Variants in FBXO11 observed in about 807,000 individuals in gnomAD.
The protein encoded by FBXO11 is F-box only protein 11.
A neutral mutation model predicts 117.0 loss-of-function variants in FBXO11; 13 were observed. The ratio of observed to expected loss-of-function variants is 0.11; its 90% CI spans 0.07 to 0.18. The LOEUF (loss-of-function observed/expected upper bound fraction) is 0.18. Among genes scored for constraint, FBXO11 ranks in the 10% least tolerant of loss-of-function variants. The pLI, the probability that FBXO11 is intolerant of heterozygous loss-of-function variation, is 1.00. For synonymous variants in FBXO11, 490 were observed against 380.5 expected (o/e 1.29, Z -3.35); for missense variants, 767 against 1,164.4 (o/e 0.66, Z 4.97).
chr2:47,833,869 T>C (rs900501271), intron 7 of FBXO11, among the ~76,000 whole-genome samples: 2 of 151,108 alleles, frequency 1.3e-5, no homozygotes, highest in African/African-American at 2.4e-5. Context: ...GGTTTCACCA[T>C]GTTGGCCAGG....
intron 1 of FBXO11, among the ~76,000 whole-genome samples, chr2:47,903,590 A>G (rs1678488126): frequency 6.6e-6 from 1 of 152,266 alleles, no homozygotes; most frequent in African/African-American, 2.4e-5. Context: ...GTTCGAAATT[A>G]CACACAAACC....
chr2:47,903,025 C>T (rs1348409160), intron 1 of FBXO11, among the ~76,000 whole-genome samples: 1 of 152,018 alleles, frequency 6.6e-6, no homozygotes, highest in African/African-American at 2.4e-5. Flanking sequence ...AACAAAATCC[C>T]TTTCTTTCCA....
At chr2:47,896,519 G>A (rs577947847) in intron 1 of FBXO11, among the ~76,000 whole-genome samples, 3 of 151,850 alleles carry the variant, frequency 2.0e-5, no homozygotes, top group East Asian at 1.9e-4. Context: ...CTGTAGAGAC[G>A]GGGTTTCGCC....
chr2:47,831,642 A>G (rs558130806), intron 11 of FBXO11, among the ~76,000 whole-genome samples: 87 of 152,146 alleles, frequency 5.7e-4, no homozygotes, highest in South Asian at 1.0e-3. Flanking sequence ...TACCTCAAGG[A>G]AAATTTGACA....
Position 47,839,440 on chromosome 2 carries a change from C to T in FBXO11, c.421G>A (p.Gly141Arg). The part of the protein sequence containing the change: ...GHRAKRARVS[G>R]KSQDLSAAPA... ...ATACCTGATAGATCTTGTGATTTTC[C>T]AGACACTCTTGCACGTTTTGCACGA... is the stretch of plus-strand genomic sequence containing the variant. Residue 141 changes from glycine (G) to arginine (R), a missense_variant, in exon 3 of 23, where the codon GGA becomes AGA. Around this residue, in one of 10 missense-constraint regions of FBXO11, gnomAD observed 355 missense variants for 299.8 expected, o/e 1.18. Transcript: ENST00000403359. The T allele has an allele frequency of 6.2e-7, 1 of 1,613,182 alleles. No individual in the cohort carries two copies. Among genetic ancestry groups the T allele is most frequent in the South Asian group, 1.1e-5 (1 of 90,602 alleles).
At chr2:47,835,663 A>T (rs1672503478) in intron 5 of FBXO11, among the ~76,000 whole-genome samples, 1 of 152,056 alleles carries the variant, frequency 6.6e-6, no homozygotes, top group Non-Finnish European at 1.5e-5. Flanking sequence ...ATGTCCGGCT[A>T]ATTTTTGTAT....
intron 1 of FBXO11, 137 bp downstream of exon 1, chr2:47,905,352 A>T: frequency 2.2e-6 from 2 of 896,996 alleles, no homozygotes; most frequent in Non-Finnish European, 2.8e-6. Context: ...GCACCGGGGG[A>T]CCCGCCTCCG....
chr2:47,817,380 AT>A (rs934379100), intron 16 of FBXO11, among the ~76,000 whole-genome samples: 3 of 152,138 alleles, frequency 2.0e-5, no homozygotes, highest in African/African-American at 7.2e-5. Context: ...GCATAAGTCC[AT>A]TTTTTTGTTA....
At chr2:47,841,062 G>C (rs1672975550) in intron 1 of FBXO11, among the ~76,000 whole-genome samples, 12 of 151,918 alleles carry the variant, frequency 7.9e-5, no homozygotes, top group Admixed American at 7.9e-4. Context: ...GCCTGGTGTG[G>C]TAGCGGGCGC....
At chr2:47,836,845 G>A (rs937415933) in intron 4 of FBXO11, 9 of 276,514 alleles carry the variant, frequency 3.3e-5, no homozygotes, top group South Asian at 1.7e-4. Context: ...GTGCAGAGGC[G>A]TGATCATGGC....
chr2:47,888,197 G>C (rs1037207121), intron 1 of FBXO11, among the ~76,000 whole-genome samples: 7 of 152,034 alleles, frequency 4.6e-5, no homozygotes, highest in African/African-American at 1.7e-4. Flanking sequence ...CAGATCAGTA[G>C]GTCCAACAAC....
At chr2:47,872,444 C>A (rs947586482) in intron 1 of FBXO11, among the ~76,000 whole-genome samples, 2 of 152,200 alleles carry the variant, frequency 1.3e-5, no homozygotes, top group Admixed American at 6.5e-5. Context: ...CTGCCTCAGC[C>A]TCCCCAGCAG....
At chr2:47,832,735 A>G in intron 9 of FBXO11, 34 bp downstream of exon 9, 1 of 1,608,228 alleles carries the variant, frequency 6.2e-7, no homozygotes, top group South Asian at 1.1e-5. Context: ...CAGTGACTCA[A>G]AATTTTATTG....
chr2:47,820,166 A>AAC (rs1174972700), intron 14 of FBXO11, among the ~76,000 whole-genome samples, 196 bp downstream of exon 14: 2 of 152,208 alleles, frequency 1.3e-5, no homozygotes, highest in African/African-American at 2.4e-5. Context: ...TACATAATTA[A>AAC]ACACAAACTT....
chr2:47,853,599 T>C (rs1027672952), intron 1 of FBXO11, among the ~76,000 whole-genome samples: 1 of 152,164 alleles, frequency 6.6e-6, no homozygotes, highest in African/African-American at 2.4e-5. Flanking sequence ...CACCCTGTTA[T>C]CTTGCATAAG....
chr2:47,894,658 C>T (rs1677521054), intron 1 of FBXO11, among the ~76,000 whole-genome samples: 1 of 152,080 alleles, frequency 6.6e-6, no homozygotes, highest in African/African-American at 2.4e-5. Context: ...AACTTTCTGA[C>T]TAGTGGGAAA....
At position 47,807,895 on chromosome 2, in the gene FBXO11, G is replaced by A. The variant is rs1399011556; in HGVS notation, c.*223C>T. 2.2e-6 allele frequency: 1 copy of A among 455,386 alleles called. No homozygotes were observed. Among genetic ancestry groups the A allele is most frequent in the Non-Finnish European group, 3.9e-6 (1 of 253,446 alleles). The allele number at this position is 455,386 out of a possible 1,614,324, so 28.2% of individuals were successfully genotyped here. ...ATTTTCTTCACTTCTGTCCCTTCAA[G>A]TCTTTACACAGTAATGCTAAAACAC... is the stretch of plus-strand genomic sequence containing the variant. On this transcript the variant is annotated 3_prime_UTR_variant, in exon 23 of 23. Transcript: ENST00000403359.
chr2:47,883,551 A>G lies in FBXO11; in HGVS notation c.232+21938T>C, dbSNP rs576129079. On this transcript the variant is annotated intron_variant, in intron 1 of 22. Transcript: ENST00000403359. ...AAATGTAAAGGCCAAGATCCAGGAT[A>G]AGGAAGAAATTCGTCTGGATCGGCA... The G allele has an allele frequency of 9.9e-5, 36 of 365,192 alleles. 1 individual carries two copies. The highest frequency in any genetic ancestry group is 1.0e-3 in the Middle Eastern group (1 of 966). 22.6% of individuals were successfully genotyped at this position (365,192 alleles called of 1,614,324 possible).
chr2:47,851,553 A>T (rs1673861091), intron 1 of FBXO11, among the ~76,000 whole-genome samples: 2 of 152,124 alleles, frequency 1.3e-5, no homozygotes, highest in Admixed American at 1.3e-4. Flanking sequence ...TTTGCTAGTC[A>T]TTGTGAATAT....
Sources: allele counts gnomAD v4.1 joint callset (sites outside exome capture counted in the v4.1 genomes callset), GRCh38; gene constraint gnomAD v4.1.1; regional missense constraint gnomAD v4.1.1; transcripts MANE v1.5; gene names NCBI Gene and HGNC (gene_info 2026-07-23, HGNC 2026-07-21).